Variants in LY96 observed in about 807,000 individuals in gnomAD.
The protein encoded by LY96 is lymphocyte antigen 96.
A neutral mutation model predicts 18.9 loss-of-function variants in LY96; 18 were observed. The observed-to-expected ratio is 0.95, with a 90% CI of 0.66 to 1.41. LY96 has a LOEUF of 1.41. LY96 is among the 40% of genes most tolerant of loss of function. LY96 has a pLI of 0.00. For missense variants in LY96, 175 were observed against 182.4 expected (o/e 0.96, Z 0.23); for synonymous variants, 66 against 62.6 (o/e 1.06, Z -0.26).
At chr8:74,084,285 GCAGTCCTGATGCACGGATTAA>G in the LY96 span, among the ~76,000 whole-genome samples, 35 of 152,174 alleles carry the variant, frequency 2.3e-4, no homozygotes, top group Admixed American at 2.2e-3. Flanking sequence ...TATGATGTGA[GCAGTCCTGATGCACGGATTAA>G]CTCAGTCCCT....
At chr8:74,029,216 G>T (rs1816928794), downstream of LY96, 4 of 575,246 alleles carry the variant, frequency 7.0e-6, no homozygotes, top group Non-Finnish European at 1.2e-5. Flanking sequence ...GAGGCATGGT[G>T]CATCATGCAG....
At chr8:74,060,402 C>T in the LY96 span, among the ~76,000 whole-genome samples, 1 of 152,190 alleles carries the variant, frequency 6.6e-6, no homozygotes, top group Non-Finnish European at 1.5e-5. Flanking sequence ...AATTCACTAC[C>T]TATCGGAACC....
the LY96 span, among the ~76,000 whole-genome samples, chr8:74,047,803 G>A: frequency 6.6e-6 from 1 of 152,268 alleles, no homozygotes; most frequent in South Asian, 2.1e-4. Context: ...ATCCCAACTA[G>A]AGCAAAGTAT....
chr8:74,013,968 G>C (rs1224358211), intron 3 of LY96, among the ~76,000 whole-genome samples: 1 of 152,030 alleles, frequency 6.6e-6, no homozygotes, highest in African/African-American at 2.4e-5. Flanking sequence ...AGGAGGTGGG[G>C]GTAGGCTGAG....
rs1331155481 is a variant in LY96, at chr8:74,001,968, TTCCTTCCTTCCC to T, written c.113-2824_113-2813del. 6.1e-5 allele frequency among the ~76,000 whole-genome samples: 8 copies of T among 130,334 alleles called. 1 individual carries two copies. Among genetic ancestry groups the T allele is most frequent in the Non-Finnish European group, 1.1e-4 (7 of 62,358 alleles). The allele number at this position is 130,334 out of a possible 152,430, so 85.5% of individuals were successfully genotyped here. ...CTTCCTTCCTTCCTTCCTTCCTTCC[TTCCTTCCTTCCC>T]TCCCTCCCTCCCTCCTTTCTTCCTT... On this transcript the variant is annotated intron_variant, in intron 1 of 4. Coordinates refer to ENST00000284818, the MANE Select transcript of LY96 (RefSeq NM_015364.5).
chr8:74,080,980 CTCTCTCTTTCTTTCTT>C, the LY96 span, among the ~76,000 whole-genome samples: 138 of 126,808 alleles, frequency 1.1e-3, 1 homozygote, highest in African/African-American at 4.6e-3. Context: ...TTCTTTCTTT[CTCTCTCTTTCTTTCTT>C]TCTTTCTTTC....
At chr8:74,055,202 T>C in the LY96 span, among the ~76,000 whole-genome samples, 11,082 of 152,226 alleles carry the variant, frequency 0.073, 584 homozygotes, top group African/African-American at 0.14. Flanking sequence ...GCCACCATAC[T>C]CGGCCATCAT....
intron 3 of LY96, among the ~76,000 whole-genome samples, chr8:74,018,228 CAAAAAAAAATAA>C (rs1262435212): frequency 6.9e-6 from 1 of 145,122 alleles, no homozygotes; most frequent in Non-Finnish European, 1.5e-5. Context: ...AAATGGAAAG[CAAAAAAAAATAA>C]AAAAAATAAA....
chr8:74,085,902 C>A, the LY96 span, among the ~76,000 whole-genome samples: 3 of 152,088 alleles, frequency 2.0e-5, no homozygotes, highest in African/African-American at 7.2e-5. Context: ...GTAGCAAGAA[C>A]ATTTAGGGTC....
chr8:74,004,970 T>C (rs1039365740), intron 2 of LY96, 85 bp downstream of exon 2: 7 of 1,411,166 alleles, frequency 5.0e-6, no homozygotes, highest in African/African-American at 1.4e-5. Context: ...AATATACTTG[T>C]ATTCGTTATC....
At chr8:74,068,102 A>ATATATATATATATATATATAT in the LY96 span, among the ~76,000 whole-genome samples, 5 of 139,282 alleles carry the variant, frequency 3.6e-5, no homozygotes, top group African/African-American at 1.1e-4. Flanking sequence ...ATATATATAT[A>ATATATATATATATATATATAT]ACATTTCCTT....
chr8:74,023,801 T>A (rs1329247001), intron 3 of LY96, among the ~76,000 whole-genome samples: 1 of 152,188 alleles, frequency 6.6e-6, no homozygotes, highest in East Asian at 1.9e-4. Context: ...GCTTTAATAT[T>A]TGCATTTAAA....
intron 4 of LY96, among the ~76,000 whole-genome samples, chr8:74,028,085 C>A (rs182726959): frequency 6.6e-6 from 1 of 152,328 alleles, no homozygotes; most frequent in East Asian, 1.9e-4. Context: ...GGCAAAACTC[C>A]TGATGGGCTT....
At chr8:74,000,148 T>C (rs1237494230) in intron 1 of LY96, among the ~76,000 whole-genome samples, 1 of 152,244 alleles carries the variant, frequency 6.6e-6, no homozygotes, top group African/African-American at 2.4e-5. Context: ...TCCCATTGTC[T>C]TGATGTAGAA....
rs569727114 is a variant in LY96 at position 73,991,466 on chromosome 8, C to A, written c.24C>A (p.Ser8=). 15 of 1,610,158 alleles carry A rather than the reference C, an allele frequency of 9.3e-6. No individual in the cohort carries two copies. The highest frequency in any genetic ancestry group is 1.3e-5 in the Non-Finnish European group (15 of 1,176,536). MLPFLFF[S]TLFSSIFTEA... is the part of the protein sequence containing the mutation. ...TCATGTTACCATTTCTGTTTTTTTCCACCCTGTTTTCTTCCATATTTACTG... is the reference window on the plus strand; with the variant it reads ...TCATGTTACCATTTCTGTTTTTTTCAACCCTGTTTTCTTCCATATTTACTG... Residue 8 remains serine (S), a synonymous_variant, in exon 1 of 5, where the codon TCC becomes TCA. Coordinates refer to ENST00000284818, the MANE Select transcript of LY96 (RefSeq NM_015364.5).
the LY96 span, among the ~76,000 whole-genome samples, chr8:74,095,315 A>G: frequency 6.6e-6 from 1 of 152,186 alleles, no homozygotes; most frequent in South Asian, 2.1e-4. Flanking sequence ...TGAGAACATA[A>G]AGCCTTTTCC....
At chr8:74,069,886 G>A in the LY96 span, among the ~76,000 whole-genome samples, 2 of 152,284 alleles carry the variant, frequency 1.3e-5, no homozygotes, top group East Asian at 3.9e-4. Flanking sequence ...ATAGGCATAA[G>A]CCACTGTGCC....
chr8:74,017,840 C>A (rs1053808505), intron 3 of LY96, among the ~76,000 whole-genome samples: 2 of 152,164 alleles, frequency 1.3e-5, no homozygotes, highest in African/African-American at 4.8e-5. Flanking sequence ...CCTTTACAGA[C>A]AAGCAAATGC....
chr8:74,055,867 C>T, the LY96 span: 1 of 152,392 alleles, frequency 6.6e-6, no homozygotes, highest in Non-Finnish European at 1.5e-5. Flanking sequence ...CCCCTTTTGG[C>T]TCTCTGAGCA....
Sources: gnomAD v4.1 joint callset for allele counts (sites outside exome capture counted in the v4.1 genomes callset) on GRCh38, gnomAD v4.1.1 for gene constraint, MANE v1.5 for transcripts, NCBI Gene and HGNC (gene_info 2026-07-23, HGNC 2026-07-21) for gene names.